SHROOM2: variants seen among roughly 807,000 people sequenced by gnomAD.
SHROOM2 encodes protein Shroom2.
Under a neutral mutation model 75.9 loss-of-function variants are expected in SHROOM2, and 33 were observed. That is an observed-to-expected ratio of 0.43 (90% CI 0.33 to 0.58). The LOEUF (loss-of-function observed/expected upper bound fraction) is 0.58. Ranked by LOEUF, SHROOM2 falls within the 20% of genes least tolerant of loss-of-function variation. The pLI is 0.04. For missense variants in SHROOM2, 1,434 were observed against 1,461.2 expected (o/e 0.98, Z 0.30); for synonymous variants, 655 against 663.6 (o/e 0.99, Z 0.20).
At chrX:9,807,207 G>T (rs976661974) in intron 1 of SHROOM2, among the ~76,000 whole-genome samples, 1 of 112,167 alleles carries the variant, frequency 8.9e-6, no homozygotes, top group African/African-American at 3.2e-5. Flanking sequence ...AGCCAGCCCC[G>T]TCGCCATGCC....
intron 1 of SHROOM2, among the ~76,000 whole-genome samples, chrX:9,870,652 G>A (rs1022731137): frequency 2.7e-5 from 3 of 112,327 alleles, no homozygotes; most frequent in African/African-American, 6.5e-5. Flanking sequence ...CTATCAGAAT[G>A]TACTTAAAGA....
chrX:9,833,605 ACT>A (rs1491313097), intron 1 of SHROOM2, among the ~76,000 whole-genome samples: 2 of 57,894 alleles, frequency 3.5e-5, no homozygotes, highest in African/African-American at 9.0e-5. Flanking sequence ...ACACAAGTAG[ACT>A]CTGTGTGTGT....
chrX:9,855,295 TAAAAAAAAAAAAAAAAA>T (rs57235424), intron 1 of SHROOM2, among the ~76,000 whole-genome samples: 1 of 39,300 alleles, frequency 2.5e-5, no homozygotes, highest in South Asian at 2.0e-3. Context: ...TAAAGTATAG[TAAAAAAAAAAAAAAAAA>T]AAAAAAAAAG....
intron 5 of SHROOM2, among the ~76,000 whole-genome samples, chrX:9,914,898 T>G (rs984001773): frequency 1.9e-4 from 21 of 111,558 alleles, no homozygotes; most frequent in African/African-American, 6.5e-4. Context: ...GCCCAAGAAT[T>G]CCTAGTTATT....
In SHROOM2 at chrX:9,898,309, CAG is replaced by C. The variant is rs2084346474; in HGVS notation, c.2891+22_2891+23del. On this transcript the variant is annotated intron_variant, in intron 5 of 9. Transcript: ENST00000380913. ...CGCCGAGGTGGGTGAAATTTGGATT[CAG>C]AGTTACTGAAGAGGCGTCTGAGGGT... The C allele has an allele frequency of 3.6e-6, 4 of 1,112,880 alleles. No individual in the cohort carries two copies. The highest frequency in any genetic ancestry group is 3.6e-6 in the Non-Finnish European group (3 of 824,656). 91.7% of individuals were successfully genotyped at this position (1,112,880 alleles called of 1,213,427 possible). A position where few individuals can be genotyped will look rare whatever the true frequency, so the allele number is the denominator to read the frequency against.
chrX:9,817,674 A>G (rs1011577391), intron 1 of SHROOM2, among the ~76,000 whole-genome samples: 3 of 112,496 alleles, frequency 2.7e-5, no homozygotes, highest in Admixed American at 9.4e-5. Context: ...TTTGGTTATC[A>G]GTCTACCTCG....
intron 1 of SHROOM2, among the ~76,000 whole-genome samples, chrX:9,843,327 C>G (rs2083989303): frequency 1.8e-5 from 2 of 110,785 alleles, no homozygotes; most frequent in Admixed American, 1.9e-4. Flanking sequence ...AAAGCCCAAA[C>G]TTTGTTCCTA....
At chrX:9,815,880 A>C (rs2083818830) in intron 1 of SHROOM2, among the ~76,000 whole-genome samples, 1 of 111,543 alleles carries the variant, frequency 9.0e-6, no homozygotes, top group African/African-American at 3.3e-5. Flanking sequence ...TCCCCAGCCC[A>C]CTGACTCAAA....
At chrX:9,863,536 C>T (rs1383741172) in intron 1 of SHROOM2, among the ~76,000 whole-genome samples, 1 of 110,525 alleles carries the variant, frequency 9.0e-6, no homozygotes, top group Non-Finnish European at 1.9e-5. Flanking sequence ...GGACTGAATA[C>T]CTCCTTGAGC....
intron 5 of SHROOM2, among the ~76,000 whole-genome samples, chrX:9,925,949 T>G (rs1306302908): frequency 9.0e-6 from 1 of 111,402 alleles, no homozygotes; most frequent in African/African-American, 3.3e-5. Flanking sequence ...TCTCATTGGC[T>G]GGGTGTGTTG....
intron 1 of SHROOM2, among the ~76,000 whole-genome samples, chrX:9,802,862 A>G (rs1483166723): frequency 2.7e-5 from 3 of 109,448 alleles, no homozygotes; most frequent in Non-Finnish European, 5.7e-5. Flanking sequence ...TGGATCATGC[A>G]GGTCGTACAT....
At chrX:9,889,751 C>T (rs939137181) in intron 2 of SHROOM2, among the ~76,000 whole-genome samples, 1 of 111,771 alleles carries the variant, frequency 8.9e-6, no homozygotes, top group Non-Finnish European at 1.9e-5. Context: ...CTGGGGGGAT[C>T]TTTGGTTGAC....
At chrX:9,891,689 T>G (rs1366163968) in intron 3 of SHROOM2, among the ~76,000 whole-genome samples, 2 of 108,893 alleles carry the variant, frequency 1.8e-5, no homozygotes, top group African/African-American at 6.7e-5. Flanking sequence ...TGTGGGGGGG[T>G]GTGAGTGTGC....
intron 2 of SHROOM2, among the ~76,000 whole-genome samples, chrX:9,876,845 C>A (rs2084203351): frequency 8.9e-6 from 1 of 112,279 alleles, no homozygotes; most frequent in Non-Finnish European, 1.9e-5. Flanking sequence ...GCTCTTTTGC[C>A]TAGGCTGGAG....
chrX:9,904,970 C>G (rs925569978), intron 5 of SHROOM2, among the ~76,000 whole-genome samples: 3 of 112,352 alleles, frequency 2.7e-5, no homozygotes, highest in African/African-American at 9.7e-5. Flanking sequence ...AAGTGATCCT[C>G]CCGAGTAGCT....
chrX:9,949,375 T>C lies in SHROOM2; in HGVS notation c.*2438T>C. ...TGTGTGTAGATTTCATGCTCGACAC[T>C]TACCACTCACCTATCAACAGATCAT... On this transcript the variant is annotated 3_prime_UTR_variant, in exon 10 of 10. Transcript: ENST00000380913. The C allele has an allele frequency of 3.0e-6, 1 of 330,762 alleles. No individual in the cohort carries two copies. Among genetic ancestry groups the C allele is most frequent in the South Asian group, 2.6e-5 (1 of 38,498 alleles). The allele number at this position is 330,762 out of a possible 1,213,427, so 27.3% of individuals were successfully genotyped here.
At chrX:9,821,765 G>T (rs2083854218) in intron 1 of SHROOM2, among the ~76,000 whole-genome samples, 1 of 111,898 alleles carries the variant, frequency 8.9e-6, no homozygotes, top group African/African-American at 3.3e-5. Flanking sequence ...GCAAAATGGT[G>T]GTTACCGGGG....
chrX:9,802,635 C>G (rs1352805654), intron 1 of SHROOM2, among the ~76,000 whole-genome samples: 1 of 111,905 alleles, frequency 8.9e-6, no homozygotes, highest in Non-Finnish European at 1.9e-5. Context: ...AGAGTGGGGA[C>G]TGGCTCTGTT....
At chrX:9,898,105 C>A in intron 4 of SHROOM2, 85 bp from the exon 5 acceptor site, 1 of 820,518 alleles carries the variant, frequency 1.2e-6, no homozygotes, top group Non-Finnish European at 1.8e-6. Flanking sequence ...GCAAGGCAAA[C>A]CCACAAATGA....
Sources: allele counts gnomAD v4.1 joint callset (sites outside exome capture counted in the v4.1 genomes callset), GRCh38; gene constraint gnomAD v4.1.1; transcripts MANE v1.5; gene names NCBI Gene and HGNC (gene_info 2026-07-23, HGNC 2026-07-21).